The following RHBDL2 variants were observed in gnomAD, a reference collection of about 807,000 sequenced individuals.
RHBDL2 encodes the protein rhomboid-related protein 2.
Under a neutral mutation model 31.7 loss-of-function variants are expected in RHBDL2, and 26 were observed. The observed-to-expected ratio is 0.82, with a 90% CI of 0.60 to 1.14. RHBDL2 has a LOEUF of 1.14. RHBDL2 is among the 50% of genes most tolerant of loss of function. The pLI, the probability that RHBDL2 is intolerant of heterozygous loss-of-function variation, is 0.00. For missense variants in RHBDL2, 336 were observed against 364.4 expected, an observed-to-expected ratio of 0.92 and a Z score of 0.63; for synonymous variants, 123 against 127.2, an observed-to-expected ratio of 0.97 and a Z score of 0.22.
intron 2 of RHBDL2, among the ~76,000 whole-genome samples, chr1:38,916,346 C>T (rs1414630541): frequency 6.6e-6 from 1 of 152,144 alleles, no homozygotes; most frequent in Non-Finnish European, 1.5e-5. Flanking sequence ...GGATCCCTAG[C>T]CAGTCCCCCT....
chr1:38,937,378 T>G (rs1156858112), intron 1 of RHBDL2, among the ~76,000 whole-genome samples: 1 of 152,198 alleles, frequency 6.6e-6, no homozygotes, highest in Non-Finnish European at 1.5e-5. Flanking sequence ...ACTGTCCTTT[T>G]GAACAATGGA....
At chr1:38,929,320 C>T (rs943843776) in intron 1 of RHBDL2, 56 of 1,088,734 alleles carry the variant, frequency 5.1e-5, no homozygotes, top group Non-Finnish European at 5.9e-5. Context: ...GACGAGGACT[C>T]TAGGTGGACA....
chr1:38,933,967 A>G (rs892269153), intron 1 of RHBDL2, among the ~76,000 whole-genome samples: 16 of 152,050 alleles, frequency 1.1e-4, no homozygotes, highest in African/African-American at 3.9e-4. Context: ...ACCTCAAATG[A>G]TCCACCCCCT....
At chr1:38,911,902 G>T (rs1643153682) in intron 3 of RHBDL2, among the ~76,000 whole-genome samples, 1 of 151,996 alleles carries the variant, frequency 6.6e-6, no homozygotes, top group Non-Finnish European at 1.5e-5. Context: ...TGCCTCCTGG[G>T]TTCAAGCGAT....
intron 1 of RHBDL2, among the ~76,000 whole-genome samples, chr1:38,927,431 AAAAAG>A (rs1363218795): frequency 9.9e-5 from 15 of 152,232 alleles, no homozygotes; most frequent in Admixed American, 1.3e-4. Flanking sequence ...CATCTCAAAA[AAAAAG>A]AAAAGAAAAG....
At chr1:38,917,695 G>T (rs772915491) in intron 2 of RHBDL2, among the ~76,000 whole-genome samples, 1 of 152,148 alleles carries the variant, frequency 6.6e-6, no homozygotes, top group East Asian at 1.9e-4. Flanking sequence ...AAAAAAATTA[G>T]AACTGTGCCC....
rs979794140 is a variant in RHBDL2 at position 38,915,677 on chromosome 1, G to A, written c.280C>T (p.Pro94Ser). Residue 94 changes from proline (P) to serine (S), a missense_variant, in exon 3 of 8, where the codon CCT (proline) becomes TCT (serine). Pro to Ser is a moderately conservative substitution (Grantham distance 74, BLOSUM62 -1). Coordinates refer to ENST00000372990, the MANE Select transcript of RHBDL2 (RefSeq NM_017821.5). ...AVFIYYAVWK[P>S]QKQWITLDTG... ...TCCAACGTGATCCACTGTTTCTGAG[G>A]CTTCCACACAGCATAGTAAATAAAC... The A allele has an allele frequency of 4.1e-5, 66 of 1,614,100 alleles. No homozygotes were observed. Among genetic ancestry groups the A allele is most frequent in the Non-Finnish European group, 5.4e-5 (64 of 1,180,006 alleles).
chr1:38,935,075 G>A (rs932361694), intron 1 of RHBDL2, among the ~76,000 whole-genome samples: 1 of 151,800 alleles, frequency 6.6e-6, no homozygotes, highest in African/African-American at 2.4e-5. Flanking sequence ...TTTTGTCATA[G>A]TCTTTGTTAG....
intron 2 of RHBDL2, among the ~76,000 whole-genome samples, chr1:38,918,705 C>A (rs944406331): frequency 2.0e-5 from 3 of 152,158 alleles, no homozygotes; most frequent in African/African-American, 7.2e-5. Context: ...TGAAAGGAAG[C>A]CACTGAAATT....
chr1:38,926,034 C>T (rs1179451698), intron 1 of RHBDL2: 1 of 1,255,056 alleles, frequency 8.0e-7, no homozygotes, highest in South Asian at 1.3e-5. Context: ...CGTCATTTGT[C>T]AGTTTTCTTG....
intron 2 of RHBDL2, among the ~76,000 whole-genome samples, chr1:38,917,644 C>T (rs1261740657): frequency 6.6e-6 from 1 of 152,130 alleles, no homozygotes. Context: ...CAGATCCGGA[C>T]GACTTCCCAG....
intron 4 of RHBDL2, among the ~76,000 whole-genome samples, chr1:38,904,632 A>G (rs12047907): frequency 0.28 from 41,560 of 150,752 alleles, 6,364 homozygotes; most frequent in African/African-American, 0.41. Flanking sequence ...GTTTGAGACT[A>G]GTCTAGGTAA....
At chr1:38,936,899 G>T (rs1405398553) in intron 1 of RHBDL2, among the ~76,000 whole-genome samples, 1 of 151,866 alleles carries the variant, frequency 6.6e-6, no homozygotes, top group Non-Finnish European at 1.5e-5. Flanking sequence ...CTCCCAAAGT[G>T]CTGGGATTAC....
intron 6 of RHBDL2, among the ~76,000 whole-genome samples, chr1:38,888,835 C>T (rs1642818438): frequency 6.6e-6 from 1 of 151,792 alleles, no homozygotes; most frequent in South Asian, 2.1e-4. Context: ...GTGAGTTGTA[C>T]TCTCCTTAGT....
chr1:38,929,057 G>A (rs1643411291), intron 1 of RHBDL2, among the ~76,000 whole-genome samples: 1 of 152,076 alleles, frequency 6.6e-6, no homozygotes, highest in African/African-American at 2.4e-5. Flanking sequence ...GGGTGACAGA[G>A]CGAAACCCTG....
Position 38,911,205 on chromosome 1 carries a change from C to A in RHBDL2, c.508+117G>T, listed in dbSNP as rs578074977. On this transcript the variant is annotated intron_variant, in intron 4 of 7. Coordinates refer to ENST00000372990, the MANE Select transcript of RHBDL2 (RefSeq NM_017821.5). ...CTAAGGCTTAATGTGTTCCCGAGCA[C>A]ATATTAGGAGTGCAGTAAACCTTGA... 25 of 650,232 alleles carry A rather than the reference C, an allele frequency of 3.8e-5. No homozygotes were observed. In the South Asian group the frequency reaches 4.4e-4, roughly 12 times the overall value. The allele number at this position is 650,232 out of a possible 1,614,324, so 40.3% of individuals were successfully genotyped here. A position where few individuals can be genotyped will look rare whatever the true frequency, so the allele number is the denominator to read the frequency against.
chr1:38,918,612 C>A (rs1643268753), intron 2 of RHBDL2, among the ~76,000 whole-genome samples: 1 of 152,168 alleles, frequency 6.6e-6, no homozygotes, highest in Non-Finnish European at 1.5e-5. Context: ...AAATGCCTTA[C>A]CAACCAGCCT....
chr1:38,914,181 C>T (rs963881794), intron 3 of RHBDL2, among the ~76,000 whole-genome samples: 17 of 151,726 alleles, frequency 1.1e-4, no homozygotes, highest in Admixed American at 1.1e-3. Flanking sequence ...TCTCCTATTA[C>T]CAGTATTATT....
At chr1:38,910,443 AT>A (rs1643124307) in intron 4 of RHBDL2, among the ~76,000 whole-genome samples, 2 of 152,208 alleles carry the variant, frequency 1.3e-5, no homozygotes, top group African/African-American at 4.8e-5. Flanking sequence ...TTTTAAAAAA[AT>A]GTTTCCAATA....
Sources: gnomAD v4.1 joint callset for allele counts (sites outside exome capture counted in the v4.1 genomes callset) on GRCh38, gnomAD v4.1.1 for gene constraint, MANE v1.5 for transcripts, NCBI Gene and HGNC (gene_info 2026-07-23, HGNC 2026-07-21) for gene names.